Variants in MOB1B observed in about 807,000 individuals in gnomAD.
MOB1B encodes MOB kinase activator 1B.
Under a neutral mutation model 24.4 loss-of-function variants are expected in MOB1B, and 19 were observed. That is an observed-to-expected ratio of 0.78 (90% CI 0.54 to 1.14). MOB1B has a LOEUF of 1.14. Among genes scored for constraint, MOB1B ranks in the 50% most tolerant of loss-of-function variants. The pLI, the probability that MOB1B is intolerant of heterozygous loss-of-function variation, is 0.00. For synonymous variants in MOB1B, 76 were observed against 82.1 expected, an observed-to-expected ratio of 0.93 and a Z score of 0.40; for missense variants, 243 against 259.6, an observed-to-expected ratio of 0.94 and a Z score of 0.44.
chr4:70,986,705 G>A lies in MOB1B; in HGVS notation c.*4648G>A, dbSNP rs1056247671. The A allele has an allele frequency of 1.3e-5, 2 of 152,042 alleles. No homozygotes were observed. The highest frequency in any genetic ancestry group is 4.8e-5 in the African/African-American group (2 of 41,416). The allele number at this position is 152,042 out of a possible 1,614,324, so 9.4% of individuals were successfully genotyped here. ...ATTAAAATTTACCGTGGAAATCACT[G>A]TTGTTCAGCTATCACCTTAATTGTG... On this transcript the variant is annotated 3_prime_UTR_variant, in exon 6 of 6. Transcript: ENST00000309395.
At chr4:70,964,354 A>T (rs1330227680) in intron 2 of MOB1B, among the ~76,000 whole-genome samples, 3 of 152,232 alleles carry the variant, frequency 2.0e-5, no homozygotes, top group Admixed American at 1.3e-4. Flanking sequence ...TTCTCTGACC[A>T]TGGTGGAATC....
chr4:70,910,159 G>T (rs905931663), intron 1 of MOB1B, among the ~76,000 whole-genome samples: 1 of 151,492 alleles, frequency 6.6e-6, no homozygotes. Flanking sequence ...TCCTGCCTCC[G>T]CCTGCTGAGT....
chr4:70,917,614 A>G (rs191657917), intron 1 of MOB1B, among the ~76,000 whole-genome samples: 181 of 152,334 alleles, frequency 1.2e-3, no homozygotes, highest in South Asian at 2.7e-3. Context: ...TGACGTTCTC[A>G]GAAGATCCAA....
intron 1 of MOB1B, among the ~76,000 whole-genome samples, chr4:70,920,900 T>C (rs977017561): frequency 2.6e-5 from 4 of 152,198 alleles, no homozygotes; most frequent in Admixed American, 1.3e-4. Context: ...GCTGGTGTGC[T>C]CCATTAATCT....
At chr4:70,913,025 C>T (rs972847691) in intron 1 of MOB1B, among the ~76,000 whole-genome samples, 4 of 151,486 alleles carry the variant, frequency 2.6e-5, no homozygotes, top group Admixed American at 6.6e-5. Context: ...CCCAAAGTGC[C>T]GGCATTACAG....
At chr4:70,919,998 A>T (rs1215079708) in intron 1 of MOB1B, among the ~76,000 whole-genome samples, 1 of 152,196 alleles carries the variant, frequency 6.6e-6, no homozygotes, top group African/African-American at 2.4e-5. Flanking sequence ...TTATGACCCT[A>T]AAGCAAATAT....
intron 2 of MOB1B, among the ~76,000 whole-genome samples, chr4:70,959,982 C>G (rs557918386): frequency 6.6e-6 from 1 of 152,192 alleles, no homozygotes; most frequent in African/African-American, 2.4e-5. Context: ...CTCCTGGGTT[C>G]AAGCGATTCT....
intron 1 of MOB1B, among the ~76,000 whole-genome samples, chr4:70,935,283 G>T (rs1737036100): frequency 6.6e-6 from 1 of 152,118 alleles, no homozygotes; most frequent in Admixed American, 6.5e-5. Flanking sequence ...GATAAGAAAG[G>T]GAGTATACCG....
intron 1 of MOB1B, among the ~76,000 whole-genome samples, chr4:70,949,891 C>T (rs921555319): frequency 2.0e-5 from 3 of 151,556 alleles, no homozygotes; most frequent in African/African-American, 7.3e-5. Context: ...GCCTAGGGGA[C>T]AGAGTGAACC....
chr4:70,931,959 G>A (rs1736906527), intron 1 of MOB1B, among the ~76,000 whole-genome samples: 1 of 152,044 alleles, frequency 6.6e-6, no homozygotes, highest in African/African-American at 2.4e-5. Context: ...CGAAGTCCTG[G>A]GCTCAAGCAA....
intron 1 of MOB1B, among the ~76,000 whole-genome samples, chr4:70,926,677 T>G (rs1008157901): frequency 2.0e-5 from 3 of 152,108 alleles, no homozygotes; most frequent in African/African-American, 4.8e-5. Flanking sequence ...GTTAGGTGCT[T>G]GCTGGTGGTG....
At chr4:70,975,335 T>C (rs763061034) in intron 4 of MOB1B, 49 bp downstream of exon 4, 4 of 1,595,618 alleles carry the variant, frequency 2.5e-6, no homozygotes, top group Non-Finnish European at 3.4e-6. Context: ...ATCTTTTATA[T>C]GTTTATAGAA....
At chr4:70,944,766 G>C (rs1737503659) in intron 1 of MOB1B, among the ~76,000 whole-genome samples, 1 of 152,062 alleles carries the variant, frequency 6.6e-6, no homozygotes, top group Non-Finnish European at 1.5e-5. Context: ...GAAGTAGAGA[G>C]GAGAGAGAGA....
intron 1 of MOB1B, among the ~76,000 whole-genome samples, chr4:70,935,200 T>G (rs750389143): frequency 1.2e-4 from 19 of 152,170 alleles, no homozygotes; most frequent in Admixed American, 9.2e-4. Context: ...GCTAGGCCTC[T>G]GACCAACAAA....
At chr4:70,934,110 A>T (rs1247193771) in intron 1 of MOB1B, among the ~76,000 whole-genome samples, 1 of 152,080 alleles carries the variant, frequency 6.6e-6, no homozygotes, top group Non-Finnish European at 1.5e-5. Flanking sequence ...TTTGAGGTGA[A>T]GTCTCGCTCT....
chr4:70,948,693 T>C (rs904168439), intron 1 of MOB1B, among the ~76,000 whole-genome samples: 5 of 152,226 alleles, frequency 3.3e-5, no homozygotes, highest in Non-Finnish European at 7.3e-5. Flanking sequence ...TTTAGTGATT[T>C]GGGATTGTCT....
Position 70,985,049 on chromosome 4 carries a change from T to C in MOB1B, c.*2992T>C, listed in dbSNP as rs1329737857. 6.6e-6 allele frequency: 1 copy of C among 152,194 alleles called. No individual in the cohort carries two copies. Among genetic ancestry groups the C allele is most frequent in the Non-Finnish European group, 1.5e-5 (1 of 68,032 alleles). 9.4% of individuals were successfully genotyped at this position (152,194 alleles called of 1,614,324 possible). A position where few individuals can be genotyped will look rare whatever the true frequency, so the allele number is the denominator to read the frequency against. ...ATCTCAGACTGAGTTACTGCCTGTC[T>C]TATCAGGATGGATAAAACACTACAG... On this transcript the variant is annotated 3_prime_UTR_variant, in exon 6 of 6. Transcript: ENST00000309395.
chr4:70,903,429 A>G (rs570051640), intron 1 of MOB1B, among the ~76,000 whole-genome samples: 1 of 152,186 alleles, frequency 6.6e-6, no homozygotes, highest in Non-Finnish European at 1.5e-5. Flanking sequence ...GGATGGCCAG[A>G]TGTGGATATG....
At chr4:70,932,281 C>A (rs1578363414) in intron 1 of MOB1B, among the ~76,000 whole-genome samples, 1 of 151,996 alleles carries the variant, frequency 6.6e-6, no homozygotes, top group Non-Finnish European at 1.5e-5. Context: ...GATTTGCAAT[C>A]AAAATGATTG....
Sources: allele counts gnomAD v4.1 joint callset (sites outside exome capture counted in the v4.1 genomes callset), GRCh38; gene constraint gnomAD v4.1.1; transcripts MANE v1.5; gene names NCBI Gene and HGNC (gene_info 2026-07-23, HGNC 2026-07-21).